The following PRKG1 variants were observed in gnomAD, a reference collection of about 807,000 sequenced individuals.
The protein encoded by PRKG1 is cGMP-dependent protein kinase 1.
In PRKG1, 35 loss-of-function variants were observed where a neutral mutation model predicts 88.1. The observed-to-expected ratio is 0.40, with a 90% CI of 0.30 to 0.53. The LOEUF (loss-of-function observed/expected upper bound fraction) is 0.53. Among genes scored for constraint, PRKG1 ranks in the 20% least tolerant of loss-of-function variants. PRKG1 has a pLI of 0.59. For synonymous variants in PRKG1, 303 were observed against 292.5 expected, an observed-to-expected ratio of 1.04 and a Z score of -0.37; for missense variants, 540 against 839.8, an observed-to-expected ratio of 0.64 and a Z score of 4.41.
intron 2 of PRKG1, among the ~76,000 whole-genome samples, chr10:51,248,204 G>A (rs757618649): frequency 6.6e-6 from 1 of 151,778 alleles, no homozygotes; most frequent in Non-Finnish European, 1.5e-5. Flanking sequence ...TTGACCTATA[G>A]GGCACACTCA....
intron 5 of PRKG1, among the ~76,000 whole-genome samples, chr10:51,933,437 A>T (rs1842735890): frequency 6.6e-6 from 1 of 152,136 alleles, no homozygotes. Flanking sequence ...TCATTTTTAT[A>T]ACCGATAATT....
intron 9 of PRKG1, among the ~76,000 whole-genome samples, chr10:52,218,269 G>T (rs1302267510): frequency 1.3e-5 from 2 of 151,260 alleles, no homozygotes; most frequent in African/African-American, 4.9e-5. Flanking sequence ...GGGGGAGTGG[G>T]TAAAAACAGA....
chr10:51,372,223 C>T (rs375138330), intron 2 of PRKG1, among the ~76,000 whole-genome samples: 10 of 152,088 alleles, frequency 6.6e-5, no homozygotes, highest in Non-Finnish European at 1.2e-4. Context: ...TAAGGTTTAT[C>T]GTTTTTTATA....
intron 3 of PRKG1, among the ~76,000 whole-genome samples, chr10:51,608,430 C>T (rs1838822076): frequency 6.6e-6 from 1 of 152,186 alleles, no homozygotes; most frequent in Admixed American, 6.5e-5. Context: ...GTTGAAGAAA[C>T]TGTATTCTCA....
intron 8 of PRKG1, among the ~76,000 whole-genome samples, chr10:52,154,259 A>G (rs1838024753): frequency 6.6e-6 from 1 of 152,138 alleles, no homozygotes; most frequent in South Asian, 2.1e-4. Context: ...CTTACTCATG[A>G]CTTGTATGCA....
At chr10:52,092,538 C>T (rs1448659325) in intron 7 of PRKG1, among the ~76,000 whole-genome samples, 1 of 152,100 alleles carries the variant, frequency 6.6e-6, no homozygotes. Flanking sequence ...GAGTTGTAAC[C>T]TTACCCCCTT....
intron 4 of PRKG1, among the ~76,000 whole-genome samples, chr10:51,816,737 T>A (rs1839597572): frequency 6.6e-6 from 1 of 152,164 alleles, no homozygotes; most frequent in Non-Finnish European, 1.5e-5. Context: ...GAACTCCAAT[T>A]AAGCAGCACA....
intron 4 of PRKG1, among the ~76,000 whole-genome samples, chr10:51,833,568 T>G (rs1440264489): frequency 1.3e-5 from 2 of 152,322 alleles, no homozygotes; most frequent in East Asian, 3.9e-4. Flanking sequence ...TATTTTTAAT[T>G]GACAAATAAT....
chr10:51,835,358 G>A (rs1263762047), intron 4 of PRKG1, among the ~76,000 whole-genome samples: 3 of 152,192 alleles, frequency 2.0e-5, no homozygotes, highest in African/African-American at 7.2e-5. Flanking sequence ...CATTTCTAAA[G>A]AGCACATCTC....
chr10:51,767,467 A>G (rs1031518889), intron 3 of PRKG1, among the ~76,000 whole-genome samples: 2 of 152,272 alleles, frequency 1.3e-5, no homozygotes, highest in African/African-American at 4.8e-5. Context: ...ATTTCAGTAG[A>G]CTTTTTAGTC....
At chr10:51,702,725 T>G (rs141628098) in intron 3 of PRKG1, among the ~76,000 whole-genome samples, 131 of 152,246 alleles carry the variant, frequency 8.6e-4, no homozygotes, top group African/African-American at 3.0e-3. Context: ...ACACAGGATT[T>G]CACTCCTGTC....
chr10:52,051,293 G>T lies in PRKG1; in HGVS notation c.763-3191G>T, dbSNP rs116272965. Among the ~76,000 whole-genome samples, 846 of 152,152 alleles carry T rather than the reference G, an allele frequency of 5.6e-3. 10 individuals are homozygous for T. The highest frequency in any genetic ancestry group is 0.019 in the African/African-American group (804 of 41,510). On this transcript the variant is annotated intron_variant, in intron 5 of 17. Transcript: ENST00000373980. ...TTTTTCTACTTTTTCCAAAATAATT[G>T]TATATTCACTAGTATTATTTGATCA...
intron 2 of PRKG1, among the ~76,000 whole-genome samples, chr10:51,424,767 T>A (rs55966882): frequency 0.024 from 3,665 of 152,262 alleles, 103 homozygotes; most frequent in Middle Eastern, 0.058. Flanking sequence ...TATTGCTTTT[T>A]TTCCTGATGC....
intron 7 of PRKG1, among the ~76,000 whole-genome samples, chr10:52,105,571 G>A (rs1847398411): frequency 6.6e-6 from 1 of 152,120 alleles, no homozygotes; most frequent in African/African-American, 2.4e-5. Context: ...AAATCTTTCG[G>A]AGAAGTGAAC....
chr10:51,261,450 A>C (rs1358922773), intron 2 of PRKG1, among the ~76,000 whole-genome samples: 1 of 152,226 alleles, frequency 6.6e-6, no homozygotes, highest in African/African-American at 2.4e-5. Flanking sequence ...GAAATCTAAG[A>C]TAGTGAATAG....
intron 1 of PRKG1, among the ~76,000 whole-genome samples, chr10:51,028,735 C>G (rs959514096): frequency 1.3e-5 from 2 of 152,152 alleles, no homozygotes; most frequent in Non-Finnish European, 2.9e-5. Flanking sequence ...GAAGTTCCTA[C>G]TCTAGAGGAG....
intron 5 of PRKG1, among the ~76,000 whole-genome samples, chr10:51,947,409 C>T (rs918362053): frequency 3.3e-5 from 5 of 152,302 alleles, no homozygotes; most frequent in African/African-American, 7.2e-5. Context: ...TGACCCCTTG[C>T]ACTTCCCAAG....
At chr10:51,427,041 A>G (rs16917899) in intron 2 of PRKG1, among the ~76,000 whole-genome samples, 2,223 of 152,264 alleles carry the variant, frequency 0.015, 45 homozygotes, top group Admixed American at 0.049. Context: ...CTATGTTGCT[A>G]TTGCCTGCAT....
intron 3 of PRKG1, among the ~76,000 whole-genome samples, chr10:51,480,725 T>G (rs1223304716): frequency 2.6e-5 from 4 of 152,114 alleles, no homozygotes; most frequent in Admixed American, 1.3e-4. Flanking sequence ...TAGAGAATAT[T>G]GATAGAAAAG....
Sources: gnomAD v4.1 joint callset for allele counts (sites outside exome capture counted in the v4.1 genomes callset) on GRCh38, gnomAD v4.1.1 for gene constraint, MANE v1.5 for transcripts, NCBI Gene and HGNC (gene_info 2026-07-23, HGNC 2026-07-21) for gene names.